Variants in SHISA9 observed in about 807,000 individuals in gnomAD.
The protein encoded by SHISA9 is protein shisa-9.
In SHISA9, 13 loss-of-function variants were observed where a neutral mutation model predicts 38.0. That is an observed-to-expected ratio of 0.34 (90% confidence interval 0.22 to 0.54). The LOEUF (loss-of-function observed/expected upper bound fraction) is 0.54, where lower values mean the gene tolerates loss of function less well. SHISA9 is among the 20% of genes least tolerant of loss of function. SHISA9 has a pLI of 0.91. For missense variants in SHISA9, 538 were observed against 575.8 expected (o/e 0.93, Z 0.67); for synonymous variants, 275 against 242.0 (o/e 1.14, Z -1.27).
chr16:13,072,126 C>T (rs115746156), intron 2 of SHISA9, among the ~76,000 whole-genome samples: 3,249 of 152,334 alleles, frequency 0.021, 52 homozygotes, highest in Admixed American at 0.047. Flanking sequence ...CAGTGCCCAT[C>T]AGTCTCCTAG....
intron 2 of SHISA9, among the ~76,000 whole-genome samples, chr16:13,012,868 A>T (rs1291325550): frequency 6.6e-6 from 1 of 152,110 alleles, no homozygotes; most frequent in East Asian, 1.9e-4. Flanking sequence ...GGGAGGAGAG[A>T]CAACTTTCAA....
chr16:13,313,211 C>T, the SHISA9 span, among the ~76,000 whole-genome samples: 223 of 144,922 alleles, frequency 1.5e-3, 1 homozygote, highest in African/African-American at 5.6e-3. Context: ...GCCGAGATCC[C>T]GCCACTGCAC....
At chr16:13,079,757 A>T (rs185962135) in intron 2 of SHISA9, among the ~76,000 whole-genome samples, 7 of 152,164 alleles carry the variant, frequency 4.6e-5, no homozygotes, top group African/African-American at 1.2e-4. Flanking sequence ...CAAAAATTCT[A>T]TTGTCATGAC....
In SHISA9 at chr16:12,908,856, C is replaced by T. The variant is rs951741192; in HGVS notation, c.563+6229C>T. ...CTCTACACTTGAAGCCAGTAGGGAACACATGTCATTATTTTGTCCACCTTC... is the reference window on the plus strand; with the variant it reads ...CTCTACACTTGAAGCCAGTAGGGAATACATGTCATTATTTTGTCCACCTTC... On this transcript the variant is annotated intron_variant, in intron 1 of 4. Coordinates refer to ENST00000558583, the MANE Select transcript of SHISA9 (RefSeq NM_001145204.3). The T allele has an allele frequency of 6.1e-6, 7 of 1,152,184 alleles. No individual in the cohort carries two copies. In the South Asian group the frequency reaches 1.7e-4, roughly 29 times the overall value. 71.4% of individuals were successfully genotyped at this position (1,152,184 alleles called of 1,614,324 possible). A position where few individuals can be genotyped will look rare whatever the true frequency, so the allele number is the denominator to read the frequency against.
At chr16:13,040,525 TGATTACATTCCAAATGATCTCAC>T (rs2073121486) in intron 2 of SHISA9, among the ~76,000 whole-genome samples, 1 of 152,258 alleles carries the variant, frequency 6.6e-6, no homozygotes, top group Non-Finnish European at 1.5e-5. Flanking sequence ...CTCATAGCAT[TGATTACATTCCAAATGATCTCAC>T]TCATTTGCAT....
chr16:13,256,758 C>G, the SHISA9 span, among the ~76,000 whole-genome samples: 2 of 152,162 alleles, frequency 1.3e-5, no homozygotes, highest in Non-Finnish European at 2.9e-5. Flanking sequence ...ATGAATATTT[C>G]TTTTACTACA....
chr16:13,346,312 T>G, the SHISA9 span, among the ~76,000 whole-genome samples: 1 of 152,180 alleles, frequency 6.6e-6, no homozygotes, highest in Non-Finnish European at 1.5e-5. Context: ...CGCCACCAGA[T>G]ATTCATGGGC....
chr16:12,948,551 A>T (rs2071715400), intron 2 of SHISA9, among the ~76,000 whole-genome samples: 1 of 152,232 alleles, frequency 6.6e-6, no homozygotes, highest in Non-Finnish European at 1.5e-5. Context: ...TGGGAAGTCC[A>T]AGATCAAGGT....
intron 1 of SHISA9, among the ~76,000 whole-genome samples, chr16:12,916,060 C>G (rs2141720512): frequency 7.7e-6 from 1 of 129,484 alleles, no homozygotes; most frequent in South Asian, 2.7e-4. Flanking sequence ...ATGAAGGTCA[C>G]TGTCACAGGT....
chr16:13,285,491 A>G, the SHISA9 span, among the ~76,000 whole-genome samples: 1 of 130,172 alleles, frequency 7.7e-6, no homozygotes, highest in Admixed American at 8.1e-5. Context: ...TTTTTTTTAT[A>G]AAAGGAGGCA....
At chr16:13,286,669 G>T in the SHISA9 span, among the ~76,000 whole-genome samples, 1 of 152,162 alleles carries the variant, frequency 6.6e-6, no homozygotes, top group African/African-American at 2.4e-5. Context: ...ATCACTAGAG[G>T]ATAATCACTG....
In SHISA9 at chr16:13,096,482, T is replaced by G. The variant is rs190922821; in HGVS notation, c.692-106912T>G. On this transcript the variant is annotated intron_variant, in intron 2 of 4. Coordinates refer to ENST00000558583, the MANE Select transcript of SHISA9 (RefSeq NM_001145204.3). ...GGGAGGCATTCAACCTAGCTGGGGCTGGGGGCTCAGGGAAGGATCCTGATG... is the reference window on the plus strand; with the variant it reads ...GGGAGGCATTCAACCTAGCTGGGGCGGGGGGCTCAGGGAAGGATCCTGATG... Among the ~76,000 whole-genome samples, 19 of 152,304 alleles carry G rather than the reference T, an allele frequency of 1.2e-4. No individual in the cohort carries two copies. The East Asian group carries it at 3.5e-3, about 28-fold the overall frequency.
At chr16:13,383,380 T>C in the SHISA9 span, among the ~76,000 whole-genome samples, 22 of 152,192 alleles carry the variant, frequency 1.4e-4, 1 homozygote. Context: ...GCAGATCTGA[T>C]ATGGAATGAT....
chr16:13,029,050 T>C (rs1185884691), intron 2 of SHISA9, among the ~76,000 whole-genome samples: 2 of 152,306 alleles, frequency 1.3e-5, no homozygotes, highest in East Asian at 3.9e-4. Flanking sequence ...CCCATTTCTC[T>C]CCTTTTAAAA....
chr16:13,349,384 TA>T, the SHISA9 span, among the ~76,000 whole-genome samples: 2 of 152,164 alleles, frequency 1.3e-5, no homozygotes, highest in African/African-American at 4.8e-5. Context: ...GTTGAAGTGA[TA>T]GGGGACAGAC....
chr16:13,522,498 C>T, the SHISA9 span, among the ~76,000 whole-genome samples: 41,817 of 150,696 alleles, frequency 0.28, 6,030 homozygotes, highest in East Asian at 0.44. Flanking sequence ...AGTGAGGAGT[C>T]CCCCCCCGAT....
At chr16:12,904,389 G>C (rs899842778) in intron 1 of SHISA9, among the ~76,000 whole-genome samples, 12 of 152,158 alleles carry the variant, frequency 7.9e-5, no homozygotes, top group Non-Finnish European at 8.8e-5. Flanking sequence ...GAGCAGGTGG[G>C]GAGAGGAGCT....
At chr16:12,979,515 A>G (rs754445038) in intron 2 of SHISA9, among the ~76,000 whole-genome samples, 4 of 152,158 alleles carry the variant, frequency 2.6e-5, no homozygotes, top group Non-Finnish European at 5.9e-5. Context: ...TTCTAACCAC[A>G]TAGTTTTGTA....
At chr16:13,211,677 A>G (rs1051549176) in intron 3 of SHISA9, among the ~76,000 whole-genome samples, 3 of 152,230 alleles carry the variant, frequency 2.0e-5, no homozygotes, top group African/African-American at 7.2e-5. Context: ...ATCTTATTAA[A>G]TGCCCTATTG....
Sources: allele counts gnomAD v4.1 joint callset (sites outside exome capture counted in the v4.1 genomes callset), GRCh38; gene constraint gnomAD v4.1.1; transcripts MANE v1.5; gene names NCBI Gene and HGNC (gene_info 2026-07-23, HGNC 2026-07-21).